Variants in PDK1 observed in about 807,000 individuals in gnomAD.
PDK1 encodes pyruvate dehydrogenase kinase 1.
PDK1 carries 39 observed loss-of-function variants against 54.2 expected under a neutral mutation model. The observed-to-expected ratio is 0.72, with a 90% confidence interval of 0.56 to 0.94. The LOEUF is 0.94. Among genes scored for constraint, PDK1 ranks in the 40% least tolerant of loss-of-function variants. The pLI, the probability that PDK1 is intolerant of heterozygous loss-of-function variation, is 0.00. For synonymous variants in PDK1, 221 were observed against 207.1 expected (o/e 1.07, Z -0.58); for missense variants, 552 against 566.0 (o/e 0.98, Z 0.25).
At chr2:172,592,016 T>A (rs1217055317) in intron 9 of PDK1, among the ~76,000 whole-genome samples, 1 of 152,222 alleles carries the variant, frequency 6.6e-6, no homozygotes, top group Non-Finnish European at 1.5e-5. Flanking sequence ...GGAGGAAACA[T>A]CTATTGTCCT....
the PDK1 span, among the ~76,000 whole-genome samples, chr2:172,721,901 C>T: frequency 6.6e-6 from 1 of 152,220 alleles, no homozygotes; most frequent in Non-Finnish European, 1.5e-5. Flanking sequence ...GGCTGGCTGG[C>T]CACCAAACAT....
At chr2:172,590,954 TG>T (rs1341508393) in intron 9 of PDK1, among the ~76,000 whole-genome samples, 3 of 152,128 alleles carry the variant, frequency 2.0e-5, no homozygotes, top group Admixed American at 2.0e-4. Flanking sequence ...CAACTGTTGT[TG>T]GGAATTGGGC....
Position 172,568,782 on chromosome 2 carries a change from TC to T in PDK1, c.814del (p.His272IlefsTer14). ...GCCAATACAAGTGGTTTATGTACCA[TC>T]CCATCTCTATCACATGGTGTTTGAA... ...GQPIQVVYVPSHLYHMVFELF... is the reference protein window; with the variant it reads ...GQPIQVVYVPXHLYHMVFELF... On this transcript the variant is annotated frameshift_variant, in exon 7 of 11. Coordinates refer to ENST00000282077, the MANE Select transcript of PDK1 (RefSeq NM_002610.5). LOFTEE classifies it high-confidence loss of function. 6.2e-7 allele frequency: 1 copy of T among 1,609,174 alleles called. No homozygotes were observed. The highest frequency in any genetic ancestry group is 8.5e-7 in the Non-Finnish European group (1 of 1,175,472).
At chr2:172,714,486 T>C in the PDK1 span, among the ~76,000 whole-genome samples, 1 of 152,072 alleles carries the variant, frequency 6.6e-6, no homozygotes, top group Non-Finnish European at 1.5e-5. Context: ...ATCAAAAATA[T>C]GCCTATGTTG....
At chr2:172,670,838 T>C in the PDK1 span, among the ~76,000 whole-genome samples, 1 of 152,204 alleles carries the variant, frequency 6.6e-6, no homozygotes, top group African/African-American at 2.4e-5. Flanking sequence ...GGATTGATAG[T>C]CCATGATTCA....
At position 172,556,222 on chromosome 2, in the gene PDK1, C is replaced by A; in HGVS notation, c.72C>A (p.Phe24Leu). 7.0e-7 allele frequency: 1 copy of A among 1,432,110 alleles called. No homozygotes were observed. The highest frequency in any genetic ancestry group is 9.1e-7 in the Non-Finnish European group (1 of 1,100,248). The allele number at this position is 1,432,110 out of a possible 1,614,324, so 88.7% of individuals were successfully genotyped here. The change falls in exon 1 of 11, where the codon TTC (phenylalanine) becomes TTA (leucine). Residue 24 changes from phenylalanine to leucine, a missense_variant. Physicochemically the swap from Phe to Leu is conservative, Grantham distance 22 (BLOSUM62 0). Coordinates refer to ENST00000282077, the MANE Select transcript of PDK1 (RefSeq NM_002610.5). ...GPGPGLRAAG[F>L]SRSFSSDSGS... is the part of the protein sequence containing the mutation. Reference sequence around the variant, plus strand: ...GCCCGGGGCTGCGCGCCGCCGGCTTCAGCCGCAGCTTCAGCTCGGACTCGG... The same window carrying A: ...GCCCGGGGCTGCGCGCCGCCGGCTTAAGCCGCAGCTTCAGCTCGGACTCGG...
At chr2:172,646,987 T>C in the PDK1 span, among the ~76,000 whole-genome samples, 13 of 152,064 alleles carry the variant, frequency 8.5e-5, no homozygotes, top group African/African-American at 3.1e-4. Context: ...TCCACCCGCC[T>C]TGACCTCCCA....
In PDK1 at chr2:172,603,070, G is replaced by C. The variant is rs926308151; in HGVS notation, c.*7101G>C. On this transcript the variant is annotated 3_prime_UTR_variant, in exon 11 of 11. Transcript: ENST00000282077. ...TGAGCAAATGCAGACTGGTTCAGCAGATCTGGAGTGGGGCCTGAGATTCTG... is the reference window on the plus strand; with the variant it reads ...TGAGCAAATGCAGACTGGTTCAGCACATCTGGAGTGGGGCCTGAGATTCTG... The C allele has an allele frequency of 6.6e-6, 1 of 152,222 alleles. No individual in the cohort carries two copies. Among genetic ancestry groups the C allele is most frequent in the African/African-American group, 2.4e-5 (1 of 41,446 alleles). 9.4% of individuals were successfully genotyped at this position (152,222 alleles called of 1,614,324 possible).
the PDK1 span, among the ~76,000 whole-genome samples, chr2:172,654,514 A>C: frequency 2.0e-5 from 3 of 152,206 alleles, no homozygotes; most frequent in East Asian, 3.9e-4. Context: ...GCAAGGACAG[A>C]AAACCAAACA....
At chr2:172,634,678 A>T in the PDK1 span, among the ~76,000 whole-genome samples, 7 of 151,938 alleles carry the variant, frequency 4.6e-5, no homozygotes, top group African/African-American at 1.7e-4. Context: ...GCTGCAGTGA[A>T]CTTTGAACAT....
At chr2:172,714,916 A>G in the PDK1 span, among the ~76,000 whole-genome samples, 150 of 152,330 alleles carry the variant, frequency 9.8e-4, 3 homozygotes, top group African/African-American at 3.6e-3. Context: ...ATAAAAACCG[A>G]TAAGAGCAAA....
the PDK1 span, among the ~76,000 whole-genome samples, chr2:172,684,431 T>C: frequency 6.6e-6 from 1 of 151,704 alleles, no homozygotes; most frequent in Non-Finnish European, 1.5e-5. Flanking sequence ...CAAAATAAAA[T>C]AAAATAAAGT....
chr2:172,568,645 A>G (rs1470165194), intron 6 of PDK1, 96 bp from the exon 7 acceptor site: 1 of 774,866 alleles, frequency 1.3e-6, no homozygotes, highest in East Asian at 2.5e-5. Flanking sequence ...TGTCCTCCGT[A>G]GTTAATGTTT....
At position 172,592,955 on chromosome 2, in the gene PDK1, G is replaced by GC; in HGVS notation, c.1080dup (p.Ile361HisfsTer30). 1 of 1,610,348 alleles carries GC rather than the reference G, an allele frequency of 6.2e-7. No homozygotes were observed. Among genetic ancestry groups the GC allele is most frequent in the South Asian group, 1.1e-5 (1 of 90,990 alleles). On this transcript the variant is annotated frameshift_variant, in exon 10 of 11. Coordinates refer to ENST00000282077, the MANE Select transcript of PDK1 (RefSeq NM_002610.5). LOFTEE classifies it high-confidence loss of function. ...AACAGGCTGGTTTTGGTTATGGATT[G>GC]CCCATATCACGTCTTTACGCACAAT...
chr2:172,722,226 A>C, the PDK1 span, among the ~76,000 whole-genome samples: 2 of 152,318 alleles, frequency 1.3e-5, no homozygotes, highest in South Asian at 4.1e-4. Context: ...ATACACTCCC[A>C]TCCCCCAAGC....
At chr2:172,676,689 A>G in the PDK1 span, among the ~76,000 whole-genome samples, 5 of 152,202 alleles carry the variant, frequency 3.3e-5, no homozygotes, top group Non-Finnish European at 7.4e-5. Context: ...ATAAAAAAGG[A>G]TTTAGAATAT....
Position 172,558,691 on chromosome 2 carries a change from A to G in PDK1, c.197-17A>G. The G allele has an allele frequency of 6.3e-7, 1 of 1,588,488 alleles. No homozygotes were observed. The highest frequency in any genetic ancestry group is 8.5e-7 in the Non-Finnish European group (1 of 1,171,906). On this transcript the variant is annotated splice_polypyrimidine_tract_variant and intron_variant, in intron 1 of 10. Coordinates refer to ENST00000282077, the MANE Select transcript of PDK1 (RefSeq NM_002610.5). ...ATGGCTTTTACTTACTGCTTTACCC[A>G]TCATGTTTGGTTTCAGGATCAGTGA...
the PDK1 span, among the ~76,000 whole-genome samples, chr2:172,616,437 C>T: frequency 6.6e-6 from 1 of 152,102 alleles, no homozygotes; most frequent in Admixed American, 6.5e-5. Context: ...AAAGAACTCC[C>T]AAGAGACTGA....
chr2:172,606,390 C>T lies in PDK1; in HGVS notation c.*10421C>T, dbSNP rs1179235992. The T allele has an allele frequency of 6.6e-6, 1 of 152,196 alleles. No individual in the cohort carries two copies. The highest frequency in any genetic ancestry group is 2.4e-5 in the African/African-American group (1 of 41,452). The allele number at this position is 152,196 out of a possible 1,614,324, so 9.4% of individuals were successfully genotyped here. A position where few individuals can be genotyped will look rare whatever the true frequency, so the allele number is the denominator to read the frequency against. Reference sequence around the variant, plus strand: ...TTACCATTTTTGTGGAAGCCCACAACCTTTTGAATGGCCTTTCTATACTTT... The same window carrying T: ...TTACCATTTTTGTGGAAGCCCACAATCTTTTGAATGGCCTTTCTATACTTT... On this transcript the variant is annotated 3_prime_UTR_variant, in exon 11 of 11. Transcript: ENST00000282077.
Sources: gnomAD v4.1 joint callset for allele counts (sites outside exome capture counted in the v4.1 genomes callset) on GRCh38, gnomAD v4.1.1 for gene constraint, MANE v1.5 for transcripts, NCBI Gene and HGNC (gene_info 2026-07-23, HGNC 2026-07-21) for gene names.